ERH: variants seen among roughly 807,000 people sequenced by gnomAD.
ERH encodes the protein ERH mRNA splicing and mitosis factor.
A neutral mutation model predicts 16.8 loss-of-function variants in ERH; 1 was observed. The ratio of observed to expected loss-of-function variants is 0.06; its 90% confidence interval spans 0.02 to 0.28. ERH has a LOEUF of 0.28. Ranked by LOEUF, ERH falls within the 10% of genes least tolerant of loss-of-function variation. The probability of loss-of-function intolerance (pLI) is 1.00; values close to 1 mark genes in which losing one functional copy is unlikely to be tolerated. For missense variants in ERH, 42 were observed against 127.5 expected (o/e 0.33, Z 3.23); for synonymous variants, 43 against 43.6 (o/e 0.99, Z 0.05).
chr14:69,392,275 A>G (rs1485010421), intron 2 of ERH, among the ~76,000 whole-genome samples: 1 of 152,104 alleles, frequency 6.6e-6, no homozygotes, highest in Non-Finnish European at 1.5e-5. Context: ...TTATTTAATA[A>G]TTATTTTAAC....
chr14:69,390,614 T>C (rs540598509), intron 2 of ERH, among the ~76,000 whole-genome samples: 2 of 152,302 alleles, frequency 1.3e-5, no homozygotes, highest in Admixed American at 6.5e-5. Flanking sequence ...ATTTGTGACC[T>C]TGGATAAACC....
At chr14:69,381,955 T>G (rs962501334) in intron 3 of ERH, among the ~76,000 whole-genome samples, 1 of 152,198 alleles carries the variant, frequency 6.6e-6, no homozygotes, top group African/African-American at 2.4e-5. Context: ...CCGCCCAAAG[T>G]GCTGGGATTA....
At position 69,394,850 on chromosome 14, in the gene ERH, G is replaced by A. The variant is rs143524650; in HGVS notation, c.66C>T (p.Tyr22=). Residue 22 remains tyrosine, a synonymous_variant, in exon 2 of 4, where the codon TAC becomes TAT. Coordinates refer to ENST00000557016, the MANE Select transcript of ERH (RefSeq NM_004450.3). ...KRPEGRTYAD[Y]ESVNECMEGV... ...CTTCCATGCATTCATTCACAGATTC[G>A]TAGTCAGCATAAGTTCTGCCTTCTG... 8.1e-6 allele frequency: 13 copies of A among 1,613,162 alleles called. No homozygotes were observed. Among genetic ancestry groups the A allele is most frequent in the East Asian group, 2.2e-5 (1 of 44,868 alleles).
chr14:69,398,041 C>A, intron 1 of ERH, 190 bp downstream of exon 1: 1 of 728,454 alleles, frequency 1.4e-6, no homozygotes, highest in Non-Finnish European at 2.3e-6. Flanking sequence ...GCAGGGCGGA[C>A]CGGGGCTCCG....
chr14:69,397,520 T>C (rs1490531877), intron 1 of ERH, among the ~76,000 whole-genome samples: 2 of 151,404 alleles, frequency 1.3e-5, no homozygotes, highest in African/African-American at 4.9e-5. Context: ...AAATACGTCC[T>C]CTCCTGGCCC....
chr14:69,392,234 T>C (rs1882235329), intron 2 of ERH, among the ~76,000 whole-genome samples: 1 of 151,860 alleles, frequency 6.6e-6, no homozygotes, highest in South Asian at 2.1e-4. Flanking sequence ...AATAATAAAA[T>C]TACCATTTGG....
At chr14:69,391,334 G>A (rs1182649354) in intron 2 of ERH, among the ~76,000 whole-genome samples, 1 of 152,002 alleles carries the variant, frequency 6.6e-6, no homozygotes, top group African/African-American at 2.4e-5. Context: ...CACACAAAAA[G>A]TAAGAACCAT....
intron 3 of ERH, among the ~76,000 whole-genome samples, chr14:69,383,666 T>C (rs2045875893): frequency 6.6e-6 from 1 of 152,230 alleles, no homozygotes; most frequent in African/African-American, 2.4e-5. Flanking sequence ...TTACGGTTTT[T>C]AACACTCTGA....
intron 1 of ERH, among the ~76,000 whole-genome samples, chr14:69,397,783 T>C (rs1882391932): frequency 6.6e-6 from 1 of 151,524 alleles, no homozygotes; most frequent in Admixed American, 6.6e-5. Flanking sequence ...CCGAGCGAGG[T>C]GGCGGGCGCC....
chr14:69,392,089 AT>A (rs1271412369), intron 2 of ERH, among the ~76,000 whole-genome samples: 3 of 152,058 alleles, frequency 2.0e-5, no homozygotes, highest in Non-Finnish European at 4.4e-5. Flanking sequence ...TTTCCAAACA[AT>A]TTTCCCATAA....
Position 69,394,932 on chromosome 14 carries a change from T to C in ERH, c.4-20A>G. 1 of 1,544,106 alleles carries C rather than the reference T, an allele frequency of 6.5e-7. No homozygotes were observed. The highest frequency in any genetic ancestry group is 8.9e-7 in the Non-Finnish European group (1 of 1,123,062). ...GTGAGACTGCAGGGGAAAACATGAT[T>C]TCAATATAAGTTTCTATTTGAGAAA... On this transcript the variant is annotated intron_variant, in intron 1 of 3. Coordinates refer to ENST00000557016, the MANE Select transcript of ERH (RefSeq NM_004450.3).
At chr14:69,392,803 G>A (rs1382836456) in intron 2 of ERH, among the ~76,000 whole-genome samples, 1 of 152,022 alleles carries the variant, frequency 6.6e-6, no homozygotes, top group African/African-American at 2.4e-5. Context: ...GAGTAATATC[G>A]GAAAAACTGT....
rs554237753 is a variant in ERH, at chr14:69,387,214, T to C, written c.92-131A>G. The stretch of plus-strand genomic sequence containing the variant: ...TAAAGTTGGGCTGGGGAAAAGATGA[T>C]AGATTGATGGCTTTTGATTATTGCC... On this transcript the variant is annotated intron_variant, in intron 2 of 3. Coordinates refer to ENST00000557016, the MANE Select transcript of ERH (RefSeq NM_004450.3). 5.8e-4 allele frequency: 390 copies of C among 675,778 alleles called. 8 individuals carry two copies. In the South Asian group the frequency reaches 8.5e-3, roughly 15 times the overall value. The allele number at this position is 675,778 out of a possible 1,614,324, so 41.9% of individuals were successfully genotyped here.
intron 3 of ERH, among the ~76,000 whole-genome samples, 197 bp from the exon 4 acceptor site, chr14:69,380,837 A>C (rs1022607445): frequency 6.6e-6 from 1 of 152,238 alleles, no homozygotes; most frequent in Non-Finnish European, 1.5e-5. Context: ...GTACAATCTT[A>C]TAGTGGAAAA....
At chr14:69,394,795 T>G in intron 2 of ERH, 30 bp downstream of exon 2, 1 of 1,545,056 alleles carries the variant, frequency 6.5e-7, no homozygotes, top group Non-Finnish European at 8.8e-7. Context: ...ATGAGACATT[T>G]TTCTACCCCT....
chr14:69,397,896 C>T (rs1008043318), intron 1 of ERH: 2 of 464,884 alleles, frequency 4.3e-6, no homozygotes, highest in Non-Finnish European at 7.8e-6. Context: ...CCAGCCTGGG[C>T]GATAGAGTGA....
chr14:69,393,359 G>A (rs546435537), intron 2 of ERH, among the ~76,000 whole-genome samples: 61 of 152,134 alleles, frequency 4.0e-4, no homozygotes, highest in African/African-American at 1.4e-3. Flanking sequence ...ATACGTTTAC[G>A]GCAGTACTAT....
At chr14:69,382,681 A>T (rs1277600724) in intron 3 of ERH, among the ~76,000 whole-genome samples, 2 of 151,038 alleles carry the variant, frequency 1.3e-5, no homozygotes, top group Admixed American at 6.6e-5. Context: ...AAAAAAAAAA[A>T]TACAAAAATT....
At chr14:69,394,050 A>G (rs1882278973) in intron 2 of ERH, among the ~76,000 whole-genome samples, 4 of 151,952 alleles carry the variant, frequency 2.6e-5, no homozygotes, top group Non-Finnish European at 5.9e-5. Context: ...CCCAGACTTT[A>G]CTACTATGCC....
Sources: allele counts gnomAD v4.1 joint callset (sites outside exome capture counted in the v4.1 genomes callset), GRCh38; gene constraint gnomAD v4.1.1; transcripts MANE v1.5; gene names NCBI Gene and HGNC (gene_info 2026-07-23, HGNC 2026-07-21).